The following RRM2 variants were observed in gnomAD, a reference collection of about 807,000 sequenced individuals.
RRM2 encodes ribonucleoside-diphosphate reductase subunit M2.
A neutral mutation model predicts 45.9 loss-of-function variants in RRM2; 6 were observed. The ratio of observed to expected loss-of-function variants is 0.13; its 90% CI spans 0.07 to 0.26. The LOEUF is 0.26. RRM2 is among the 10% of genes least tolerant of loss of function. RRM2 has a pLI of 1.00. For missense variants in RRM2, 343 were observed against 489.5 expected (o/e 0.70, Z 2.82); for synonymous variants, 177 against 173.0 (o/e 1.02, Z -0.18).
intron 2 of RRM2, 107 bp from the exon 3 acceptor site, chr2:10,123,280 C>A: frequency 7.1e-7 from 1 of 1,404,952 alleles, no homozygotes. Flanking sequence ...CACGTTTTCA[C>A]ATCGGGCCCC....
exon 4 of RRM2, chr2:10,210,855 T>C (rs374985878): frequency 3.0e-6 from 1 of 330,334 alleles, no homozygotes. Flanking sequence ...CTGGGGTTGG[T>C]GCCCTTATGG....
At chr2:10,122,582 C>T, upstream of RRM2, 4 of 1,448,602 alleles carry the variant, frequency 2.8e-6, no homozygotes, top group Non-Finnish European at 3.7e-6. Flanking sequence ...TCGCGCGCGG[C>T]CCCGCGGCCA....
At chr2:10,164,925 G>A (rs1558394100) in intron 3 of RRM2, among the ~76,000 whole-genome samples, 1 of 152,216 alleles carries the variant, frequency 6.6e-6, no homozygotes, top group East Asian at 1.9e-4. Context: ...TTCTCAGCTG[G>A]CTTTACCCTT....
At chr2:10,166,028 G>C (rs898018616) in intron 3 of RRM2, among the ~76,000 whole-genome samples, 1 of 152,228 alleles carries the variant, frequency 6.6e-6, no homozygotes, top group African/African-American at 2.4e-5. Context: ...GAGCACAGCA[G>C]CTGCTGGTGA....
chr2:10,176,987 G>A (rs1055768721), intron 3 of RRM2, among the ~76,000 whole-genome samples: 5 of 152,062 alleles, frequency 3.3e-5, no homozygotes, highest in African/African-American at 9.7e-5. Flanking sequence ...GGCTCATGCC[G>A]GTAATCCCAG....
rs775764276 is a variant in RRM2, at chr2:10,126,201, A to AAAG, written c.570-674_570-673insAAG. Among the ~76,000 whole-genome samples, 2 of 14,736 alleles carry AAAG rather than the reference A, an allele frequency of 1.4e-4. 1 individual carries two copies. Among genetic ancestry groups the AAAG allele is most frequent in the African/African-American group, 1.1e-3 (2 of 1,852 alleles). 9.7% of individuals were successfully genotyped at this position (14,736 alleles called of 152,430 possible). A position where few individuals can be genotyped will look rare whatever the true frequency, so the allele number is the denominator to read the frequency against. ...AAAAAAAAAAAAAAAAAGCTGCCCAATGTCTGGTGCCCTTGGCTTCAGAAC... is the reference window on the plus strand; with the variant it reads ...AAAAAAAAAAAAAAAAAGCTGCCCAAAAGTGTCTGGTGCCCTTGGCTTCAGAAC... On this transcript the variant is annotated intron_variant, in intron 5 of 9. Transcript: ENST00000304567.
At chr2:10,136,737 C>T (rs1189214478), upstream of RRM2, among the ~76,000 whole-genome samples, 1 of 152,218 alleles carries the variant, frequency 6.6e-6, no homozygotes, top group African/African-American at 2.4e-5. Context: ...TGCACCACTG[C>T]ACTCTAGCCT....
In RRM2 at chr2:10,129,955, A is replaced by G. The variant is rs769909116; in HGVS notation, c.*569A>G. On this transcript the variant is annotated 3_prime_UTR_variant, in exon 10 of 10. Transcript: ENST00000304567. The surrounding 1 kb of genome is among the most constrained non-coding windows in gnomAD (Gnocchi z 4.8). ...AAGTTTTATTTTAATGAATTAAAAT[A>G]TTTGTTAACCAACTTTAAAGTCAGT... The G allele has an allele frequency of 5.2e-5, 8 of 152,486 alleles. No homozygotes were observed. Among genetic ancestry groups the G allele is most frequent in the African/African-American group, 1.7e-4 (7 of 41,450 alleles). 9.4% of individuals were successfully genotyped at this position (152,486 alleles called of 1,614,324 possible). A position where few individuals can be genotyped will look rare whatever the true frequency, so the allele number is the denominator to read the frequency against.
At chr2:10,181,889 C>T (rs1289426134) in intron 3 of RRM2, among the ~76,000 whole-genome samples, 6 of 150,240 alleles carry the variant, frequency 4.0e-5, no homozygotes, top group Non-Finnish European at 5.9e-5. Context: ...CTCAGCCTCC[C>T]GAGTAGCTGG....
intron 3 of RRM2, among the ~76,000 whole-genome samples, chr2:10,177,932 T>C (rs1663964685): frequency 6.6e-6 from 1 of 151,484 alleles, no homozygotes; most frequent in African/African-American, 2.4e-5. Context: ...TTTTTTTTTT[T>C]TTTTCTTTAG....
At chr2:10,161,816 G>A (rs1040165030) in intron 3 of RRM2, among the ~76,000 whole-genome samples, 1 of 152,196 alleles carries the variant, frequency 6.6e-6, no homozygotes, top group Non-Finnish European at 1.5e-5. Flanking sequence ...ATTCAGAGAG[G>A]CTAAGGGGCA....
intron 3 of RRM2, among the ~76,000 whole-genome samples, chr2:10,150,858 G>A (rs956185379): frequency 1.4e-5 from 2 of 144,676 alleles, no homozygotes; most frequent in Non-Finnish European, 1.5e-5. Context: ...TTGTTGCCTA[G>A]GCTAGAGTGC....
intron 3 of RRM2, chr2:10,155,268 T>C (rs1663400409): frequency 5.5e-6 from 1 of 183,372 alleles, no homozygotes; most frequent in Non-Finnish European, 1.2e-5. Context: ...GTTAGATAAA[T>C]TGCAGAGAAA....
At position 10,130,339 on chromosome 2, in the gene RRM2, G is replaced by C. The variant is rs1289036676; in HGVS notation, c.*953G>C. Reference sequence around the variant, plus strand: ...CCACCTAAGATCTTGCCCCTGTTAAGTGGTGAAATCAACTAGAGGTGGTTC... The same window carrying C: ...CCACCTAAGATCTTGCCCCTGTTAACTGGTGAAATCAACTAGAGGTGGTTC... On this transcript the variant is annotated 3_prime_UTR_variant, in exon 10 of 10. Transcript: ENST00000304567. 2.6e-5 allele frequency: 4 copies of C among 152,206 alleles called. No individual in the cohort carries two copies. Among genetic ancestry groups the C allele is most frequent in the Non-Finnish European group, 5.9e-5 (4 of 68,036 alleles). The allele number at this position is 152,206 out of a possible 1,614,324, so 9.4% of individuals were successfully genotyped here.
chr2:10,168,843 A>G (rs1371782166), intron 3 of RRM2, among the ~76,000 whole-genome samples: 2 of 149,412 alleles, frequency 1.3e-5, no homozygotes, highest in Non-Finnish European at 2.9e-5. Context: ...CAACCTGTGC[A>G]ACTGTACCAT....
intron 3 of RRM2, among the ~76,000 whole-genome samples, chr2:10,182,755 C>T (rs1162202815): frequency 6.6e-6 from 1 of 152,236 alleles, no homozygotes; most frequent in Non-Finnish European, 1.5e-5. Context: ...TCGCTCCTCT[C>T]CCTCCCAGGT....
intron 3 of RRM2, among the ~76,000 whole-genome samples, chr2:10,183,230 G>C (rs1664097256): frequency 6.6e-6 from 1 of 152,196 alleles, no homozygotes; most frequent in African/African-American, 2.4e-5. Context: ...CATGGCCAAA[G>C]AGCGGCAGCA....
At chr2:10,156,022 CT>C (rs1314464771) in intron 3 of RRM2, 2 of 152,370 alleles carry the variant, frequency 1.3e-5, no homozygotes, top group East Asian at 3.9e-4. Flanking sequence ...CTGGGTTTCT[CT>C]GGCCTGAGTC....
intron 3 of RRM2, among the ~76,000 whole-genome samples, chr2:10,198,119 G>GT (rs1402608100): frequency 1.3e-5 from 2 of 152,168 alleles, no homozygotes; most frequent in African/African-American, 2.4e-5. Context: ...CCTCTCCCCT[G>GT]TATGTACCGC....
Sources: gnomAD v4.1 joint callset for allele counts (sites outside exome capture counted in the v4.1 genomes callset) on GRCh38, gnomAD v4.1.1 for gene constraint, Gnocchi (gnomAD v3.1) non-coding constraint, MANE v1.5 for transcripts, NCBI Gene and HGNC (gene_info 2026-07-23, HGNC 2026-07-21) for gene names.